PITPNB: variants seen among roughly 807,000 people sequenced by gnomAD.
PITPNB encodes the protein phosphatidylinositol transfer protein beta.
Under a neutral mutation model 45.9 loss-of-function variants are expected in PITPNB, and 16 were observed. The observed-to-expected ratio is 0.35, with a 90% CI of 0.24 to 0.53. The LOEUF is 0.53. PITPNB is among the 20% of genes least tolerant of loss of function. The pLI, the probability that PITPNB is intolerant of heterozygous loss-of-function variation, is 0.93. For synonymous variants in PITPNB, 112 were observed against 108.9 expected (o/e 1.03, Z -0.18); for missense variants, 188 against 330.5 (o/e 0.57, Z 3.34).
At chr22:27,866,196 G>C (rs901634509) in intron 8 of PITPNB, among the ~76,000 whole-genome samples, 1 of 152,266 alleles carries the variant, frequency 6.6e-6, no homozygotes, top group Non-Finnish European at 1.5e-5. Context: ...TCATTGCTAC[G>C]TAATTTAAAT....
intron 7 of PITPNB, among the ~76,000 whole-genome samples, chr22:27,890,673 G>A (rs1199099119): frequency 6.6e-6 from 1 of 152,198 alleles, no homozygotes; most frequent in African/African-American, 2.4e-5. Flanking sequence ...AATTAGCTGG[G>A]CATGGTGGTG....
chr22:27,916,569 A>T (rs5762403), intron 1 of PITPNB, among the ~76,000 whole-genome samples: 31,905 of 152,090 alleles, frequency 0.21, 3,449 homozygotes, highest in South Asian at 0.31. Flanking sequence ...CCCAGCACTT[A>T]GTGGGCGGAT....
chr22:27,855,281 A>C (rs1458392178), intron 10 of PITPNB, among the ~76,000 whole-genome samples: 1 of 152,248 alleles, frequency 6.6e-6, no homozygotes, highest in Non-Finnish European at 1.5e-5. Context: ...CATAGTCCCT[A>C]GGCCAGACAA....
intron 2 of PITPNB, among the ~76,000 whole-genome samples, chr22:27,913,006 T>TA (rs1555892482): frequency 3.0e-5 from 3 of 99,090 alleles, no homozygotes; most frequent in South Asian, 3.5e-4. Flanking sequence ...AAAAAAAAGG[T>TA]GGGGGGGGGA....
In PITPNB at chr22:27,893,378, G is replaced by C. The variant is rs1435301662; in HGVS notation, c.456+1177C>G. On this transcript the variant is annotated intron_variant, in intron 7 of 11. Coordinates refer to ENST00000335272, the MANE Select transcript of PITPNB (RefSeq NM_012399.5). ...CGGCTCACTGCAAGCTCCGCCTCCCGGGCTCATGCCACTCTCCTGCCTCAG... is the reference window on the plus strand; with the variant it reads ...CGGCTCACTGCAAGCTCCGCCTCCCCGGCTCATGCCACTCTCCTGCCTCAG... Among the ~76,000 whole-genome samples, 7 of 150,396 alleles carry C rather than the reference G, an allele frequency of 4.7e-5. No homozygotes were observed. In the South Asian group the frequency reaches 1.5e-3, roughly 32 times the overall value.
chr22:27,900,577 T>G (rs1268307094), intron 3 of PITPNB, among the ~76,000 whole-genome samples: 1 of 152,212 alleles, frequency 6.6e-6, no homozygotes, highest in Admixed American at 6.5e-5. Context: ...TTTTTTTATG[T>G]TTAACGTGAG....
At chr22:27,865,985 T>C (rs1305926851) in intron 8 of PITPNB, among the ~76,000 whole-genome samples, 2 of 152,222 alleles carry the variant, frequency 1.3e-5, no homozygotes, top group East Asian at 3.8e-4. Flanking sequence ...ACCTAACATT[T>C]TCCTCCTCTA....
intron 3 of PITPNB, among the ~76,000 whole-genome samples, chr22:27,909,681 A>T (rs1430326963): frequency 6.6e-6 from 1 of 152,212 alleles, no homozygotes; most frequent in East Asian, 1.9e-4. Flanking sequence ...AAAATTTAAA[A>T]GGTGCATGTC....
intron 7 of PITPNB, among the ~76,000 whole-genome samples, chr22:27,876,319 C>T (rs1200886047): frequency 1.3e-5 from 2 of 152,208 alleles, no homozygotes; most frequent in Admixed American, 1.3e-4. Flanking sequence ...TGTAAAATAT[C>T]ATACACATAT....
intron 3 of PITPNB, among the ~76,000 whole-genome samples, chr22:27,907,159 A>T (rs1403248480): frequency 1.3e-5 from 2 of 152,220 alleles, no homozygotes; most frequent in African/African-American, 4.8e-5. Flanking sequence ...ATTACTAGAC[A>T]CAAATTTAAC....
At position 27,867,217 on chromosome 22, in the gene PITPNB, GT is replaced by G. The variant is rs377445160; in HGVS notation, c.534+6520del. On this transcript the variant is annotated intron_variant, in intron 8 of 11. Coordinates refer to ENST00000335272, the MANE Select transcript of PITPNB (RefSeq NM_012399.5). ...AGGTAAGTCAGACACAAAGCCTACC[GT>G]TTAAAATTCAGTGTGAACAACAGGA... 4.9e-4 allele frequency among the ~76,000 whole-genome samples: 74 copies of G among 152,084 alleles called. No homozygotes were observed. The South Asian group carries it at 0.013, about 26-fold the overall frequency.
intron 7 of PITPNB, among the ~76,000 whole-genome samples, chr22:27,890,395 C>T (rs964094118): frequency 4.0e-5 from 6 of 151,740 alleles, no homozygotes; most frequent in African/African-American, 1.2e-4. Flanking sequence ...ATAATCCTTA[C>T]GTAACAGTTC....
At chr22:27,858,581 T>C in intron 9 of PITPNB, 72 bp from the exon 10 acceptor site, 1 of 1,194,240 alleles carries the variant, frequency 8.4e-7, no homozygotes, top group African/African-American at 1.5e-5. Flanking sequence ...TAACTTTACA[T>C]GTTCCAATTA....
intron 7 of PITPNB, among the ~76,000 whole-genome samples, chr22:27,880,176 C>A (rs947203293): frequency 2.6e-5 from 4 of 152,118 alleles, no homozygotes; most frequent in African/African-American, 9.7e-5. Flanking sequence ...AGCAGAAGAG[C>A]CAGGACTCAG....
rs1011558912 is a variant in PITPNB, at chr22:27,858,437, T to A, written c.718A>T (p.Met240Leu). 6.2e-7 allele frequency: 1 copy of A among 1,609,946 alleles called. No homozygotes were observed. The highest frequency in any genetic ancestry group is 1.3e-5 in the African/African-American group (1 of 74,838). ...CWIDKWIDLT[M>L]EDIRRMEDET... ...TCTTCCATTCTCCTAATGTCTTCCA[T>A]CGTGAGATCGATCCACTTGTCAATC... The change falls in exon 10 of 12, where the codon ATG (methionine) becomes TTG (leucine). Residue 240 changes from methionine (M) to leucine (L), a missense_variant. Transcript: ENST00000335272.
intron 8 of PITPNB, among the ~76,000 whole-genome samples, chr22:27,868,520 C>T (rs1251074018): frequency 6.6e-6 from 1 of 152,192 alleles, no homozygotes; most frequent in Non-Finnish European, 1.5e-5. Context: ...GGTTTCCCTC[C>T]ACTGGCATGA....
chr22:27,909,644 T>C (rs1312978060), intron 3 of PITPNB, among the ~76,000 whole-genome samples: 1 of 152,170 alleles, frequency 6.6e-6, no homozygotes, highest in Non-Finnish European at 1.5e-5. Context: ...TATCAAACTC[T>C]TGAAGGGCAA....
chr22:27,895,153 C>A (rs1017234350), intron 6 of PITPNB, among the ~76,000 whole-genome samples: 7 of 152,202 alleles, frequency 4.6e-5, no homozygotes, highest in Non-Finnish European at 1.0e-4. Flanking sequence ...TTCTGAAATG[C>A]CATCTGTGAA....
chr22:27,900,637 C>T (rs892513985), intron 3 of PITPNB, among the ~76,000 whole-genome samples: 10 of 152,002 alleles, frequency 6.6e-5, no homozygotes, highest in Non-Finnish European at 1.2e-4. Context: ...ACTGACTAAA[C>T]GAGGAAAATG....
Sources: gnomAD v4.1 joint callset for allele counts (sites outside exome capture counted in the v4.1 genomes callset) on GRCh38, gnomAD v4.1.1 for gene constraint, MANE v1.5 for transcripts, NCBI Gene and HGNC (gene_info 2026-07-23, HGNC 2026-07-21) for gene names.